Variants in CDS1 observed in about 807,000 individuals in gnomAD.
CDS1 encodes the protein phosphatidate cytidylyltransferase 1.
Under a neutral mutation model 62.1 loss-of-function variants are expected in CDS1, and 41 were observed. The ratio of observed to expected loss-of-function variants is 0.66; its 90% CI spans 0.51 to 0.86. CDS1 has a LOEUF of 0.86. CDS1 is among the 40% of genes least tolerant of loss of function. The pLI is 0.00. For synonymous variants in CDS1, 185 were observed against 192.6 expected, an observed-to-expected ratio of 0.96 and a Z score of 0.32; for missense variants, 470 against 550.1, an observed-to-expected ratio of 0.85 and a Z score of 1.46.
rs1724714446 is a variant in CDS1, at chr4:84,650,966, A to AAGTTCT, written c.*2281_*2286dup. 6.6e-6 allele frequency: 1 copy of AAGTTCT among 152,136 alleles called. No individual in the cohort carries two copies. The highest frequency in any genetic ancestry group is 2.4e-5 in the African/African-American group (1 of 41,418). The allele number at this position is 152,136 out of a possible 1,614,324, so 9.4% of individuals were successfully genotyped here. A position where few individuals can be genotyped will look rare whatever the true frequency, so the allele number is the denominator to read the frequency against. The stretch of plus-strand genomic sequence containing the variant: ...GGTGGCAGACAAATGAAAAACTAGG[A>AAGTTCT]AGTTCTTTCACAGTAATGCCTAGTT... On this transcript the variant is annotated 3_prime_UTR_variant, in exon 13 of 13. Transcript: ENST00000295887.
At chr4:84,623,327 TTAGTC>T (rs1371149781) in intron 5 of CDS1, among the ~76,000 whole-genome samples, 2 of 152,224 alleles carry the variant, frequency 1.3e-5, no homozygotes, top group East Asian at 3.8e-4. Flanking sequence ...AAAGATATCT[TTAGTC>T]TATTCTTACA....
chr4:84,632,314 G>C (rs760533056), intron 6 of CDS1, among the ~76,000 whole-genome samples: 1 of 152,126 alleles, frequency 6.6e-6, no homozygotes, highest in African/African-American at 2.4e-5. Context: ...TCATAGAATT[G>C]TGTAATTCTT....
intron 1 of CDS1, among the ~76,000 whole-genome samples, chr4:84,584,325 A>G (rs1026674017): frequency 2.0e-5 from 3 of 152,228 alleles, no homozygotes; most frequent in Non-Finnish European, 4.4e-5. Context: ...TTATGATCTT[A>G]TGGACTGGAT....
intron 3 of CDS1, among the ~76,000 whole-genome samples, chr4:84,615,408 C>T (rs532721804): frequency 6.6e-6 from 1 of 152,202 alleles, no homozygotes; most frequent in South Asian, 2.1e-4. Flanking sequence ...CTCCTCGGTG[C>T]ACTGCTTCCT....
At chr4:84,611,814 C>T (rs762906616) in intron 3 of CDS1, among the ~76,000 whole-genome samples, 5 of 152,252 alleles carry the variant, frequency 3.3e-5, no homozygotes, top group East Asian at 1.9e-4. Context: ...AGTGGGCAGG[C>T]GTGGGAAATT....
At chr4:84,639,590 T>G (rs1187817409) in intron 9 of CDS1, among the ~76,000 whole-genome samples, 1 of 152,172 alleles carries the variant, frequency 6.6e-6, no homozygotes, top group African/African-American at 2.4e-5. Flanking sequence ...CTAGTGAGAA[T>G]GAGAGTATAG....
At chr4:84,599,401 CACACATATATATATATAT>C (rs1268222022) in intron 1 of CDS1, among the ~76,000 whole-genome samples, 13 of 23,956 alleles carry the variant, frequency 5.4e-4, no homozygotes, top group African/African-American at 7.1e-4. Context: ...TTGACACACA[CACACATATATATATATAT>C]ATATATATAT....
At chr4:84,622,553 G>A (rs562587560) in intron 5 of CDS1, among the ~76,000 whole-genome samples, 24 of 152,216 alleles carry the variant, frequency 1.6e-4, no homozygotes, top group Middle Eastern at 3.4e-3. Flanking sequence ...AAATCATGCC[G>A]CTGCACTCCA....
chr4:84,599,405 C>CATATGTATATAT (rs1553902445), intron 1 of CDS1, among the ~76,000 whole-genome samples: 10 of 24,698 alleles, frequency 4.0e-4, no homozygotes, highest in Admixed American at 1.1e-3. Context: ...CACACACACA[C>CATATGTATATAT]ATATATATAT....
intron 1 of CDS1, 112 bp from the exon 2 acceptor site, chr4:84,604,131 G>T: frequency 1.1e-6 from 1 of 878,622 alleles, no homozygotes. Flanking sequence ...TAGTTTCTTT[G>T]TTTCAGATTA....
intron 1 of CDS1, among the ~76,000 whole-genome samples, chr4:84,586,060 G>A (rs570086838): frequency 5.3e-5 from 8 of 152,238 alleles, no homozygotes; most frequent in East Asian, 1.9e-4. Flanking sequence ...GGCAAAGGAC[G>A]TGTTGGGTTT....
chr4:84,598,277 T>C (rs906102113), intron 1 of CDS1, among the ~76,000 whole-genome samples: 3 of 152,136 alleles, frequency 2.0e-5, no homozygotes, highest in Non-Finnish European at 4.4e-5. Flanking sequence ...TGGAGCTCTA[T>C]GTCTCTGTGG....
intron 1 of CDS1, among the ~76,000 whole-genome samples, chr4:84,589,546 A>T (rs1722516965): frequency 6.6e-6 from 1 of 152,224 alleles, no homozygotes; most frequent in African/African-American, 2.4e-5. Context: ...CTAATTGTTG[A>T]TAAATTATCA....
chr4:84,622,805 C>T (rs17009170), intron 5 of CDS1, among the ~76,000 whole-genome samples: 3,078 of 152,190 alleles, frequency 0.02, 108 homozygotes, highest in African/African-American at 0.071. Flanking sequence ...CTATTCACTT[C>T]CTGTTATAAC....
intron 1 of CDS1, among the ~76,000 whole-genome samples, chr4:84,595,242 A>G (rs1722712775): frequency 1.3e-5 from 2 of 152,096 alleles, no homozygotes; most frequent in South Asian, 4.2e-4. Context: ...ATTCTGGCTA[A>G]AGGTTAATAA....
chr4:84,621,479 A>G (rs1455869204), intron 5 of CDS1, among the ~76,000 whole-genome samples: 1 of 152,232 alleles, frequency 6.6e-6, no homozygotes, highest in African/African-American at 2.4e-5. Flanking sequence ...TACAATCTGA[A>G]ATGGTAATGG....
chr4:84,592,319 G>A (rs1447649840), intron 1 of CDS1, among the ~76,000 whole-genome samples: 1 of 151,752 alleles, frequency 6.6e-6, no homozygotes, highest in Admixed American at 6.6e-5. Flanking sequence ...TTACAGGCAC[G>A]CAGCACAAAA....
Position 84,638,978 on chromosome 4 carries a change from G to T in CDS1, c.865G>T (p.Val289Leu), listed in dbSNP as rs1474765295. 1 of 1,561,576 alleles carries T rather than the reference G, an allele frequency of 6.4e-7. No homozygotes were observed. Among genetic ancestry groups the T allele is most frequent in the Non-Finnish European group, 8.7e-7 (1 of 1,150,686 alleles). ...CATTGGTGGTTTCTTTTCCACAGTT[G>T]TGTTTGGATTCATTGTGAGTATTAC... Reference protein sequence around the residue: ...GFIGGFFSTVVFGFIAAYVLS... With the variant: ...GFIGGFFSTVLFGFIAAYVLS... The change falls in exon 9 of 13, where the codon GTG becomes TTG. Residue 289 changes from valine (V) to leucine (L), a missense_variant. This residue lies in a region of CDS1 where 214 missense variants were observed against 242.4 expected (regional missense o/e 0.88). Coordinates refer to ENST00000295887, the MANE Select transcript of CDS1 (RefSeq NM_001263.4).
chr4:84,596,546 T>C (rs1224139064), intron 1 of CDS1, among the ~76,000 whole-genome samples: 2 of 152,188 alleles, frequency 1.3e-5, no homozygotes, highest in African/African-American at 4.8e-5. Context: ...CTTCCACTTA[T>C]AAGGACCCTT....
Sources: allele counts gnomAD v4.1 joint callset (sites outside exome capture counted in the v4.1 genomes callset), GRCh38; gene constraint gnomAD v4.1.1; regional missense constraint gnomAD v4.1.1; transcripts MANE v1.5; gene names NCBI Gene and HGNC (gene_info 2026-07-23, HGNC 2026-07-21).